ZSWIM6: variants seen among roughly 807,000 people sequenced by gnomAD.
The protein encoded by ZSWIM6 is zinc finger SWIM domain-containing protein 6.
Under a neutral mutation model 113.2 loss-of-function variants are expected in ZSWIM6, and 9 were observed. The ratio of observed to expected loss-of-function variants is 0.08; its 90% CI spans 0.05 to 0.14. The LOEUF (loss-of-function observed/expected upper bound fraction) is 0.14. Ranked by LOEUF, ZSWIM6 falls within the 10% of genes least tolerant of loss-of-function variation. The pLI is 1.00. For synonymous variants in ZSWIM6, 611 were observed against 606.5 expected (o/e 1.01, Z -0.11); for missense variants, 1,162 against 1,552.2 (o/e 0.75, Z 4.22).
At chr5:61,423,772 A>C (rs772657453) in intron 1 of ZSWIM6, among the ~76,000 whole-genome samples, 4 of 152,216 alleles carry the variant, frequency 2.6e-5, no homozygotes, top group African/African-American at 7.2e-5. Context: ...GAAAGCAAGA[A>C]TATTGGAAGC....
chr5:61,389,793 C>T (rs1477447027), intron 1 of ZSWIM6, among the ~76,000 whole-genome samples: 1 of 152,106 alleles, frequency 6.6e-6, no homozygotes, highest in Non-Finnish European at 1.5e-5. Context: ...TATAGCAGGC[C>T]ACAGATATAT....
rs1372195391 is a variant in ZSWIM6, at chr5:61,440,290, C to T, written c.677-32391C>T. Among the ~76,000 whole-genome samples the T allele has an allele frequency of 1.4e-5, 2 of 148,078 alleles. 1 individual carries two copies. Among genetic ancestry groups the T allele is most frequent in the South Asian group, 4.2e-4 (2 of 4,730 alleles). On this transcript the variant is annotated intron_variant, in intron 1 of 13. Transcript: ENST00000252744. The stretch of plus-strand genomic sequence containing the variant: ...TTGAAAAATTGACAACTCTGGCATA[C>T]GGCCCAGATCTCTTTTCAGATTTTG...
intron 1 of ZSWIM6, among the ~76,000 whole-genome samples, chr5:61,389,061 A>G (rs1446606951): frequency 1.3e-5 from 2 of 152,120 alleles, no homozygotes; most frequent in Non-Finnish European, 2.9e-5. Flanking sequence ...GAGAGAAGAG[A>G]TGAAAAATGC....
chr5:61,350,956 T>C (rs554686307), intron 1 of ZSWIM6, among the ~76,000 whole-genome samples: 23 of 152,368 alleles, frequency 1.5e-4, no homozygotes, highest in African/African-American at 5.5e-4. Context: ...TTTCCTTCAT[T>C]TATTCTTCTA....
intron 1 of ZSWIM6, among the ~76,000 whole-genome samples, chr5:61,466,194 G>T (rs969057690): frequency 6.6e-5 from 10 of 152,092 alleles, no homozygotes; most frequent in African/African-American, 2.4e-4. Flanking sequence ...CTCAGAGTTG[G>T]GAAAGGTAAA....
At chr5:61,377,835 A>G (rs560810802) in intron 1 of ZSWIM6, among the ~76,000 whole-genome samples, 103 of 152,350 alleles carry the variant, frequency 6.8e-4, no homozygotes, top group African/African-American at 2.3e-3. Context: ...AAAGACTAAC[A>G]ATTCAGTAGA....
At chr5:61,471,528 G>A (rs893296289) in intron 1 of ZSWIM6, among the ~76,000 whole-genome samples, 1 of 152,210 alleles carries the variant, frequency 6.6e-6, no homozygotes, top group East Asian at 1.9e-4. Flanking sequence ...CAGGGTGAGT[G>A]CCTCATGTGT....
At chr5:61,399,608 A>G (rs937668496) in intron 1 of ZSWIM6, among the ~76,000 whole-genome samples, 6 of 152,210 alleles carry the variant, frequency 3.9e-5, no homozygotes, top group African/African-American at 1.4e-4. Context: ...ACACATGTAC[A>G]GTATCAGTGT....
intron 1 of ZSWIM6, among the ~76,000 whole-genome samples, chr5:61,365,541 C>G (rs1745132125): frequency 6.6e-6 from 1 of 152,042 alleles, no homozygotes; most frequent in African/African-American, 2.4e-5. Flanking sequence ...TTTGACAGCT[C>G]TTTTATTTTT....
Position 61,545,666 on chromosome 5 carries a change from T to A in ZSWIM6, c.*1349T>A, listed in dbSNP as rs919168392. ...TCTACTTTTCAGTTTTCTTTTTTTT[T>A]AATATATTTTATTTTCTCTAGAAAT... On this transcript the variant is annotated 3_prime_UTR_variant, in exon 14 of 14. Transcript: ENST00000252744. The A allele has an allele frequency of 2.6e-5, 4 of 152,094 alleles. 1 individual carries two copies. Among genetic ancestry groups the A allele is most frequent in the Admixed American group, 1.3e-4 (2 of 15,268 alleles). 9.4% of individuals were successfully genotyped at this position (152,094 alleles called of 1,614,324 possible). A position where few individuals can be genotyped will look rare whatever the true frequency, so the allele number is the denominator to read the frequency against.
At position 61,332,427 on chromosome 5, in the gene ZSWIM6, C is replaced by A; in HGVS notation, c.155C>A (p.Ala52Glu). ...CRPGPRAGGA[A>E]AAAACGGGAA... is the part of the protein sequence containing the mutation. ...CCAGGCCCGCGGGCGGGTGGCGCGG[C>A]GGCGGCGGCGGCGTGCGGGGGCGGC... Residue 52 changes from alanine to glutamate, a missense_variant, in exon 1 of 14, where the codon GCG becomes GAG. Around this residue, in one of 4 missense-constraint regions of ZSWIM6, gnomAD observed 333 missense variants for 293.4 expected, o/e 1.13. Transcript: ENST00000252744. The A allele has an allele frequency of 1.0e-6, 1 of 1,001,110 alleles. No homozygotes were observed. The allele number at this position is 1,001,110 out of a possible 1,614,324, so 62.0% of individuals were successfully genotyped here.
intron 2 of ZSWIM6, among the ~76,000 whole-genome samples, chr5:61,488,175 C>G (rs1748072975): frequency 6.6e-6 from 1 of 151,774 alleles, no homozygotes; most frequent in South Asian, 2.1e-4. Flanking sequence ...TCTCAATTTG[C>G]ATGTTAAACA....
chr5:61,444,020 G>C (rs898680425), intron 1 of ZSWIM6, among the ~76,000 whole-genome samples: 4 of 151,566 alleles, frequency 2.6e-5, no homozygotes, highest in Non-Finnish European at 5.9e-5. Context: ...ATACGTATAC[G>C]TGTGCCATGT....
chr5:61,484,880 A>G (rs775163085), intron 2 of ZSWIM6, among the ~76,000 whole-genome samples: 2 of 152,188 alleles, frequency 1.3e-5, no homozygotes, highest in Non-Finnish European at 2.9e-5. Context: ...GACTGGATTT[A>G]GCAGTGTGGC....
rs1391853991 is a variant in ZSWIM6, at chr5:61,529,964, A to G, written c.1838-88A>G. On this transcript the variant is annotated intron_variant, in intron 7 of 13. Transcript: ENST00000252744. ...AGAACTGGTTTATCAGGATGCTGCT[A>G]TTAAATGGTAAAGCCTCTGTTTTCC... 28 of 1,194,416 alleles carry G rather than the reference A, an allele frequency of 2.3e-5. 1 individual carries two copies. The South Asian group carries it at 4.8e-4, about 20-fold the overall frequency. The allele number at this position is 1,194,416 out of a possible 1,614,324, so 74.0% of individuals were successfully genotyped here. A position where few individuals can be genotyped will look rare whatever the true frequency, so the allele number is the denominator to read the frequency against.
intron 1 of ZSWIM6, among the ~76,000 whole-genome samples, chr5:61,356,037 A>G (rs749476881): frequency 5.3e-5 from 8 of 152,170 alleles, no homozygotes; most frequent in Non-Finnish European, 1.2e-4. Flanking sequence ...ACTTTTTGCC[A>G]GCATAAATCT....
chr5:61,431,420 G>T (rs115106092), intron 1 of ZSWIM6, among the ~76,000 whole-genome samples: 166 of 141,854 alleles, frequency 1.2e-3, no homozygotes, highest in African/African-American at 4.0e-3. Context: ...TAAATAAATC[G>T]TGATCTTTTT....
At chr5:61,391,166 G>A in intron 1 of ZSWIM6, 1 of 802,768 alleles carries the variant, frequency 1.2e-6, no homozygotes. Flanking sequence ...TTCTTGGTGT[G>A]CCAACGACTG....
At chr5:61,422,580 T>A (rs558084607) in intron 1 of ZSWIM6, among the ~76,000 whole-genome samples, 8 of 152,272 alleles carry the variant, frequency 5.3e-5, no homozygotes, top group East Asian at 3.9e-4. Flanking sequence ...AGTTTAGGAT[T>A]TTTTTTTCTG....
Sources: allele counts gnomAD v4.1 joint callset (sites outside exome capture counted in the v4.1 genomes callset), GRCh38; gene constraint gnomAD v4.1.1; regional missense constraint gnomAD v4.1.1; transcripts MANE v1.5; gene names NCBI Gene and HGNC (gene_info 2026-07-23, HGNC 2026-07-21).